The following MORN1 variants were observed in gnomAD, a reference collection of about 807,000 sequenced individuals.
MORN1 encodes the protein MORN repeat containing 1.
MORN1 carries 67 observed loss-of-function variants against 61.9 expected under a neutral mutation model. That is an observed-to-expected ratio of 1.08 (90% CI 0.89 to 1.33). The LOEUF is 1.33. MORN1 is among the 40% of genes most tolerant of loss of function. The pLI is 0.00. For missense variants in MORN1, 752 were observed against 691.2 expected (o/e 1.09, Z -0.99); for synonymous variants, 301 against 292.0 (o/e 1.03, Z -0.31).
chr1:2,363,799 AACAAAC>A (rs1252214101), intron 8 of MORN1, among the ~76,000 whole-genome samples: 138 of 81,366 alleles, frequency 1.7e-3, no homozygotes, highest in African/African-American at 0.01. Flanking sequence ...CAAACAAACA[AACAAAC>A]AAAAAAATAT....
rs993777739 is a variant in MORN1 at position 2,334,419 on chromosome 1, A to T, written c.1250+2050T>A. On this transcript the variant is annotated intron_variant, in intron 12 of 13. Transcript: ENST00000378531. This position sits in a 1 kb window ranked among gnomAD's most constrained non-coding sequence, Gnocchi z 5.4. ...CCCTTCACCTCCATGCTGGGTTCTC[A>T]ACCCAGGAGCGGGCAGAGCTTACGG... is the stretch of plus-strand genomic sequence containing the variant. 2.0e-5 allele frequency among the ~76,000 whole-genome samples: 3 copies of T among 152,172 alleles called. No homozygotes were observed. The highest frequency in any genetic ancestry group is 2.9e-5 in the Non-Finnish European group (2 of 68,018).
intron 10 of MORN1, among the ~76,000 whole-genome samples, chr1:2,349,230 G>A (rs1408469580): frequency 6.6e-6 from 1 of 152,210 alleles, no homozygotes; most frequent in African/African-American, 2.4e-5. Flanking sequence ...AAGAGAAAAG[G>A]ACCTGTGGAG....
chr1:2,358,521 A>G (rs1231090097), intron 9 of MORN1, 71 bp downstream of exon 9: 7 of 1,594,064 alleles, frequency 4.4e-6, no homozygotes, highest in Non-Finnish European at 6.0e-6. Context: ...AAAAAAGGAC[A>G]AGGAATTAAT....
intron 10 of MORN1, among the ~76,000 whole-genome samples, chr1:2,354,881 G>A (rs1641726117): frequency 6.6e-6 from 1 of 152,196 alleles, no homozygotes; most frequent in Admixed American, 6.5e-5. Context: ...CCAAATGTCT[G>A]TGGTTCAAGC....
In MORN1 at chr1:2,337,987, A is replaced by G. The variant is rs1641315053; in HGVS notation, c.1037-1137T>C. Among the ~76,000 whole-genome samples, 1 of 152,162 alleles carries G rather than the reference A, an allele frequency of 6.6e-6. No individual in the cohort carries two copies. Among genetic ancestry groups the G allele is most frequent in the African/African-American group, 2.4e-5 (1 of 41,456 alleles). On this transcript the variant is annotated intron_variant, in intron 10 of 13. Coordinates refer to ENST00000378531, the MANE Select transcript of MORN1 (RefSeq NM_024848.3). The surrounding 1 kb of genome is among the most constrained non-coding windows in gnomAD (Gnocchi z 5.7). ...GGAGTCAGGGGCTGCTGAGGGGTGC[A>G]CAGGAGGCTGGGTCTGTTTGGGCTC...
intron 10 of MORN1, among the ~76,000 whole-genome samples, chr1:2,342,005 A>C (rs1389707657): frequency 3.3e-5 from 5 of 152,270 alleles, no homozygotes; most frequent in Non-Finnish European, 4.4e-5. Context: ...TTCCCGAGCC[A>C]AGGCCATGCT....
At chr1:2,342,830 AT>A (rs1641423084) in intron 10 of MORN1, among the ~76,000 whole-genome samples, 1 of 129,368 alleles carries the variant, frequency 7.7e-6, no homozygotes, top group East Asian at 2.1e-4. Context: ...TAAATATTTT[AT>A]TTTATTTTAT....
intron 6 of MORN1, among the ~76,000 whole-genome samples, chr1:2,384,345 C>T (rs979178717): frequency 3.3e-5 from 5 of 152,204 alleles, no homozygotes; most frequent in Admixed American, 6.5e-5. Context: ...CTCACGGGGC[C>T]GCTGCCCCAT....
intron 8 of MORN1, among the ~76,000 whole-genome samples, chr1:2,368,880 A>G (rs1267910462): frequency 6.6e-6 from 1 of 151,880 alleles, no homozygotes; most frequent in Non-Finnish European, 1.5e-5. Context: ...AACATGGTGA[A>G]ACCCTGTCTC....
At chr1:2,390,089 G>T in intron 1 of MORN1, 93 bp from the exon 2 acceptor site, 2 of 1,189,222 alleles carry the variant, frequency 1.7e-6, no homozygotes, top group Non-Finnish European at 2.5e-6. Flanking sequence ...TCCCTTGAGG[G>T]CCTTCAAGGG....
chr1:2,330,147 G>A (rs1212239257), intron 12 of MORN1, among the ~76,000 whole-genome samples: 2 of 152,236 alleles, frequency 1.3e-5, no homozygotes, highest in African/African-American at 2.4e-5. Flanking sequence ...CCTGGGCTGC[G>A]AGTCACAGGC....
At position 2,336,877 on chromosome 1, in the gene MORN1, C is replaced by G. The variant is rs1287807963; in HGVS notation, c.1037-27G>C. ...TGAGGAGACAGAATGAAGAAAGACC[C>G]TATGAGGGGCTCAGGGCGGAGACGG... is the stretch of plus-strand genomic sequence containing the variant. On this transcript the variant is annotated intron_variant, in intron 10 of 13. Transcript: ENST00000378531. 30 of 1,527,904 alleles carry G rather than the reference C, an allele frequency of 2.0e-5. No homozygotes were observed. In the South Asian group the frequency reaches 3.9e-4, roughly 20 times the overall value. The allele number at this position is 1,527,904 out of a possible 1,614,324, so 94.6% of individuals were successfully genotyped here. A position where few individuals can be genotyped will look rare whatever the true frequency, so the allele number is the denominator to read the frequency against.
At chr1:2,381,527 G>A (rs1023823963) in intron 6 of MORN1, among the ~76,000 whole-genome samples, 2 of 152,152 alleles carry the variant, frequency 1.3e-5, no homozygotes, top group African/African-American at 2.4e-5. Context: ...TGCGGGCCTC[G>A]GTTGGCAGGC....
Position 2,337,650 on chromosome 1 carries a change from C to T in MORN1, c.1037-800G>A, listed in dbSNP as rs1641309076. ...AACTTCAGTGCAGCCCCTCCACACACACACATCAGAGCCCACGTTCCTACG... is the reference window on the plus strand; with the variant it reads ...AACTTCAGTGCAGCCCCTCCACACATACACATCAGAGCCCACGTTCCTACG... On this transcript the variant is annotated intron_variant, in intron 10 of 13. Transcript: ENST00000378531. The surrounding 1 kb of genome is among the most constrained non-coding windows in gnomAD (Gnocchi z 5.7). Among the ~76,000 whole-genome samples the T allele has an allele frequency of 6.6e-6, 1 of 152,346 alleles. No individual in the cohort carries two copies. Among genetic ancestry groups the T allele is most frequent in the South Asian group, 2.1e-4 (1 of 4,832 alleles).
In MORN1 at chr1:2,369,396, A is replaced by G. The variant is rs182548249; in HGVS notation, c.745+3085T>C. Among the ~76,000 whole-genome samples the G allele has an allele frequency of 2.9e-3, 445 of 151,746 alleles. 1 individual carries two copies. Among genetic ancestry groups the G allele is most frequent in the African/African-American group, 0.01 (418 of 41,474 alleles). ...AAAAAGAAGACAGACAATAGCAAGT[A>G]CTGAGGAGGGTGTAAAGCCATTGGA... On this transcript the variant is annotated intron_variant, in intron 8 of 13. Coordinates refer to ENST00000378531, the MANE Select transcript of MORN1 (RefSeq NM_024848.3).
intron 10 of MORN1, among the ~76,000 whole-genome samples, chr1:2,341,775 G>A (rs1476617439): frequency 6.6e-6 from 1 of 152,146 alleles, no homozygotes; most frequent in Non-Finnish European, 1.5e-5. Context: ...CAGAAAAGCC[G>A]AGGTGCAGAG....
intron 10 of MORN1, among the ~76,000 whole-genome samples, chr1:2,342,509 C>G (rs1224757252): frequency 6.6e-6 from 1 of 152,264 alleles, no homozygotes; most frequent in African/African-American, 2.4e-5. Flanking sequence ...CATCAGTCAG[C>G]CGAGAAGCGC....
intron 6 of MORN1, chr1:2,375,948 C>G (rs1642224242): frequency 6.6e-6 from 1 of 152,400 alleles, no homozygotes; most frequent in African/African-American, 2.4e-5. Context: ...ACCCTGGGCT[C>G]TGGGCAAGCA....
chr1:2,344,301 A>G (rs1456031984), intron 10 of MORN1, among the ~76,000 whole-genome samples: 1 of 152,190 alleles, frequency 6.6e-6, no homozygotes, highest in African/African-American at 2.4e-5. Flanking sequence ...AGGTTGAGAC[A>G]TGGTTCTGAA....
Sources: gnomAD v4.1 joint callset for allele counts (sites outside exome capture counted in the v4.1 genomes callset) on GRCh38, gnomAD v4.1.1 for gene constraint, Gnocchi (gnomAD v3.1) non-coding constraint, MANE v1.5 for transcripts, NCBI Gene and HGNC (gene_info 2026-07-23, HGNC 2026-07-21) for gene names.